EMB: variants seen among roughly 807,000 people sequenced by gnomAD.
The protein encoded by EMB is embigin homolog.
In EMB, 31 loss-of-function variants were observed where a neutral mutation model predicts 41.4. That is an observed-to-expected ratio of 0.75 (90% CI 0.56 to 1.01). The LOEUF is 1.01. Ranked by LOEUF, EMB falls within the 50% of genes least tolerant of loss-of-function variation. EMB has a pLI of 0.00. For synonymous variants in EMB, 137 were observed against 140.4 expected (o/e 0.98, Z 0.17); for missense variants, 379 against 388.3 (o/e 0.98, Z 0.20).
Position 50,432,229 on chromosome 5 carries a change from AT to A in EMB, c.113-4003del, listed in dbSNP as rs1474602408. ...TCTCTAAAGCCCCCAAAATCCCTTT[AT>A]TATATGTTAAAATCTTGGAAGGGTC... On this transcript the variant is annotated intron_variant, in intron 1 of 8. Coordinates refer to ENST00000303221, the MANE Select transcript of EMB (RefSeq NM_198449.3). Among the ~76,000 whole-genome samples, 22 of 152,306 alleles carry A rather than the reference AT, an allele frequency of 1.4e-4. No homozygotes were observed. In the East Asian group the frequency reaches 4.0e-3, roughly 28 times the overall value.
upstream of EMB, among the ~76,000 whole-genome samples, chr5:50,441,725 TCA>T (rs1745919339): frequency 1.3e-5 from 2 of 152,202 alleles, no homozygotes; most frequent in African/African-American, 4.8e-5. Flanking sequence ...TGCCTACCAA[TCA>T]CACACATTCT....
chr5:50,430,476 A>G (rs569970961), intron 1 of EMB, among the ~76,000 whole-genome samples: 1 of 152,202 alleles, frequency 6.6e-6, no homozygotes, highest in Admixed American at 6.5e-5. Context: ...TTCCTATTCC[A>G]CTTAAGTAAG....
chr5:50,422,891 A>C (rs1392746304), intron 2 of EMB, among the ~76,000 whole-genome samples: 1 of 152,182 alleles, frequency 6.6e-6, no homozygotes, highest in Non-Finnish European at 1.5e-5. Flanking sequence ...CTGGAAGTAT[A>C]TGTTAAAATA....
chr5:50,440,332 G>C (rs563635758), intron 1 of EMB, among the ~76,000 whole-genome samples: 1 of 152,016 alleles, frequency 6.6e-6, no homozygotes, highest in Non-Finnish European at 1.5e-5. Context: ...TTGGGAGTTC[G>C]AGACCAGACT....
intron 2 of EMB, among the ~76,000 whole-genome samples, chr5:50,425,911 T>C (rs1399952657): frequency 6.6e-6 from 1 of 152,154 alleles, no homozygotes; most frequent in East Asian, 1.9e-4. Context: ...CTCGAACTCC[T>C]GGCCTCAGGT....
chr5:50,410,464 T>C (rs187810251), intron 4 of EMB, among the ~76,000 whole-genome samples: 1 of 152,286 alleles, frequency 6.6e-6, no homozygotes, highest in Admixed American at 6.5e-5. Flanking sequence ...TTTTAAGTTT[T>C]ATGGATCCTA....
At chr5:50,440,753 C>T (rs931902364) in intron 1 of EMB, among the ~76,000 whole-genome samples, 2 of 152,066 alleles carry the variant, frequency 1.3e-5, no homozygotes, top group African/African-American at 4.8e-5. Flanking sequence ...TAGGAAAAAC[C>T]AGACTCTGCC....
intron 7 of EMB, among the ~76,000 whole-genome samples, chr5:50,401,675 G>C (rs1745164878): frequency 6.6e-6 from 1 of 151,902 alleles, no homozygotes; most frequent in Non-Finnish European, 1.5e-5. Context: ...CTAAACAAAG[G>C]CTGTGTAAGA....
chr5:50,424,973 A>G (rs189746465), intron 2 of EMB, among the ~76,000 whole-genome samples: 6 of 152,282 alleles, frequency 3.9e-5, no homozygotes, highest in Admixed American at 1.3e-4. Context: ...CTGACTCTCT[A>G]TGAATGTTAG....
In EMB at chr5:50,422,985, A is replaced by G. The variant is rs1382468062; in HGVS notation, c.196+5159T>C. ...CATTCACAATTATGCCCAGAGAGATATATGTAGGGTATCCCTTGCTACATG... is the reference window on the plus strand; with the variant it reads ...CATTCACAATTATGCCCAGAGAGATGTATGTAGGGTATCCCTTGCTACATG... On this transcript the variant is annotated intron_variant, in intron 2 of 8. Transcript: ENST00000303221. Among the ~76,000 whole-genome samples, 3 of 152,116 alleles carry G rather than the reference A, an allele frequency of 2.0e-5. No individual in the cohort carries two copies. In the East Asian group the frequency reaches 5.8e-4, roughly 29 times the overall value.
chr5:50,430,968 A>C (rs1034519139), intron 1 of EMB, among the ~76,000 whole-genome samples: 3 of 152,320 alleles, frequency 2.0e-5, no homozygotes, highest in Middle Eastern at 6.8e-3. Flanking sequence ...AAAGGAAGGA[A>C]ACACCAAGTT....
intron 2 of EMB, among the ~76,000 whole-genome samples, chr5:50,421,296 G>A (rs1745518225): frequency 6.6e-6 from 1 of 152,050 alleles, no homozygotes; most frequent in Non-Finnish European, 1.5e-5. Flanking sequence ...ATGAAAAAAT[G>A]CTCATCATCA....
intron 2 of EMB, among the ~76,000 whole-genome samples, chr5:50,423,085 T>C (rs1291510244): frequency 1.3e-5 from 2 of 151,338 alleles, no homozygotes; most frequent in Admixed American, 1.3e-4. Flanking sequence ...GGTGTATTTA[T>C]ACTGTGCATA....
intron 1 of EMB, 146 bp downstream of exon 1, chr5:50,440,894 G>A (rs962803184): frequency 4.2e-5 from 20 of 479,054 alleles, no homozygotes; most frequent in Non-Finnish European, 6.9e-5. Flanking sequence ...GGAGGCCGCC[G>A]CCGACTCTCC....
intron 1 of EMB, among the ~76,000 whole-genome samples, chr5:50,438,399 T>C (rs1745840566): frequency 6.6e-6 from 1 of 152,188 alleles, no homozygotes; most frequent in African/African-American, 2.4e-5. Context: ...TACTCTGAGA[T>C]GAATTTTGAA....
intron 4 of EMB, among the ~76,000 whole-genome samples, chr5:50,409,194 T>C (rs1280098525): frequency 2.0e-5 from 3 of 152,140 alleles, no homozygotes; most frequent in African/African-American, 7.2e-5. Context: ...AGGCCTTCCG[T>C]GTGAATACTT....
At chr5:50,403,532 A>C in intron 5 of EMB, 78 bp from the exon 6 acceptor site, 2 of 1,471,654 alleles carry the variant, frequency 1.4e-6, no homozygotes, top group Non-Finnish European at 1.9e-6. Flanking sequence ...AGTGAAAGCT[A>C]TAAGATAATG....
intron 2 of EMB, among the ~76,000 whole-genome samples, chr5:50,425,447 G>C (rs188255095): frequency 6.4e-4 from 97 of 151,944 alleles, no homozygotes; most frequent in African/African-American, 2.3e-3. Context: ...AATCTCTTCT[G>C]TTAAACTATA....
intron 7 of EMB, among the ~76,000 whole-genome samples, chr5:50,401,088 T>C (rs1277356275): frequency 6.6e-6 from 1 of 152,020 alleles, no homozygotes; most frequent in Admixed American, 6.6e-5. Context: ...CAAATCAACA[T>C]AAATAAGATA....
Sources: allele counts gnomAD v4.1 joint callset (sites outside exome capture counted in the v4.1 genomes callset), GRCh38; gene constraint gnomAD v4.1.1; transcripts MANE v1.5; gene names NCBI Gene and HGNC (gene_info 2026-07-23, HGNC 2026-07-21).